Variants in ZSWIM4 observed in about 807,000 individuals in gnomAD.
ZSWIM4 encodes zinc finger SWIM-type containing 4.
Under a neutral mutation model 102.5 loss-of-function variants are expected in ZSWIM4, and 62 were observed. The observed-to-expected ratio is 0.60, with a 90% CI of 0.49 to 0.75. ZSWIM4 has a LOEUF of 0.75. Among genes scored for constraint, ZSWIM4 ranks in the 30% least tolerant of loss-of-function variants. The pLI, the probability that ZSWIM4 is intolerant of heterozygous loss-of-function variation, is 0.00. For missense variants in ZSWIM4, 1,280 were observed against 1,529.6 expected, an observed-to-expected ratio of 0.84 and a Z score of 2.72; for synonymous variants, 652 against 674.5, an observed-to-expected ratio of 0.97 and a Z score of 0.52.
chr19:13,819,430 G>A lies in ZSWIM4; in HGVS notation c.1998G>A (p.Leu666=). 1.2e-6 allele frequency: 2 copies of A among 1,611,214 alleles called. No individual in the cohort carries two copies. Among genetic ancestry groups the A allele is most frequent in the Non-Finnish European group, 1.7e-6 (2 of 1,178,846 alleles). ...CCATGCACACCTGTGCCCGCTACCT[G>A]TTCACCGCACTGCTGCCTCATGACC... ...SVPMHTCARY[L]FTALLPHDPD... Residue 666 remains leucine, a synonymous_variant, in exon 10 of 14, where the codon CTG becomes CTA. Transcript: ENST00000590508.
rs915122907 is a variant in ZSWIM4 at position 13,795,443 on chromosome 19, A to T, written c.-206A>T. ...CTAAAGCGGCGGCTGAAGCAGCTTCATTGTTGTGAAGAGTCTTAAAGGGGC... is the reference window on the plus strand; with the variant it reads ...CTAAAGCGGCGGCTGAAGCAGCTTCTTTGTTGTGAAGAGTCTTAAAGGGGC... On this transcript the variant is annotated 5_prime_UTR_variant, in exon 1 of 14. Coordinates refer to ENST00000590508, the MANE Select transcript of ZSWIM4 (RefSeq NM_001367834.3). 16 of 192,812 alleles carry T rather than the reference A, an allele frequency of 8.3e-5. No individual in the cohort carries two copies. Among genetic ancestry groups the T allele is most frequent in the Non-Finnish European group, 1.7e-4 (16 of 95,852 alleles). 11.9% of individuals were successfully genotyped at this position (192,812 alleles called of 1,614,324 possible).
At chr19:13,815,715 C>T (rs570812504) in intron 7 of ZSWIM4, among the ~76,000 whole-genome samples, 2 of 151,424 alleles carry the variant, frequency 1.3e-5, no homozygotes, top group Non-Finnish European at 2.9e-5. Flanking sequence ...TTTGATCCAC[C>T]CACCTCAGCC....
In ZSWIM4 at chr19:13,825,571, C is replaced by A. The variant is rs62620757; in HGVS notation, c.2237C>A (p.Thr746Lys). 1 of 1,613,902 alleles carries A rather than the reference C, an allele frequency of 6.2e-7. No homozygotes were observed. The highest frequency in any genetic ancestry group is 1.3e-5 in the African/African-American group (1 of 74,926). Residue 746 changes from threonine (T) to lysine (K), a missense_variant, in exon 12 of 14, where the codon ACG (threonine) becomes AAG (lysine). By Grantham distance (78) the Thr-to-Lys change is moderately conservative. Coordinates refer to ENST00000590508, the MANE Select transcript of ZSWIM4 (RefSeq NM_001367834.3). This position sits in a 1 kb window ranked among gnomAD's most constrained non-coding sequence, Gnocchi z 4.6. ...CCAGGAGACCCCAAGTGGCTGCACACGGTACTGGGCTCCATCCAGCAGAAC... is the reference window on the plus strand; with the variant it reads ...CCAGGAGACCCCAAGTGGCTGCACAAGGTACTGGGCTCCATCCAGCAGAAC... ...AAKGDPKWLH[T>K]VLGSIQQNIH...
chr19:13,817,166 A>G (rs2021643447), intron 7 of ZSWIM4, 50 bp from the exon 8 acceptor site: 1 of 1,569,162 alleles, frequency 6.4e-7, no homozygotes, highest in African/African-American at 1.4e-5. Flanking sequence ...CCTCCCTCCT[A>G]GAGACTTGGG....
Position 13,795,796 on chromosome 19 carries a change from G to A in ZSWIM4, c.148G>A (p.Glu50Lys). 1 of 1,251,390 alleles carries A rather than the reference G, an allele frequency of 8.0e-7. No homozygotes were observed. The highest frequency in any genetic ancestry group is 3.6e-5 in the Admixed American group (1 of 27,448). The allele number at this position is 1,251,390 out of a possible 1,614,324, so 77.5% of individuals were successfully genotyped here. The change falls in exon 1 of 14, where the codon GAG (glutamate) becomes AAG (lysine). Residue 50 changes from glutamate (E) to lysine (K), a missense_variant. Transcript: ENST00000590508. Reference sequence around the variant, plus strand: ...GCGGGTAGCCGAGAGCTGGGCCTTCGAGCAGGTGACCGCGGGGGAAGGGGG... The same window carrying A: ...GCGGGTAGCCGAGAGCTGGGCCTTCAAGCAGGTGACCGCGGGGGAAGGGGG... Reference protein sequence around the residue: ...AKRVAESWAFEQVEERFSRVP... With the variant: ...AKRVAESWAFKQVEERFSRVP...
intron 1 of ZSWIM4, among the ~76,000 whole-genome samples, chr19:13,798,358 C>T (rs562032457): frequency 5.9e-5 from 9 of 152,174 alleles, no homozygotes; most frequent in African/African-American, 2.2e-4. Context: ...ATGTTGCTCA[C>T]GCTGGTCTGG....
In ZSWIM4 at chr19:13,825,826, G is replaced by A. The variant is rs3745454; in HGVS notation, c.2379+113G>A. 0.087 allele frequency: 117,985 copies of A among 1,357,786 alleles called. 5,806 individuals carry two copies. Among genetic ancestry groups the A allele is most frequent in the African/African-American group, 0.18 (12,269 of 69,034 alleles). 84.1% of individuals were successfully genotyped at this position (1,357,786 alleles called of 1,614,324 possible). ...GTGTGAGCCACTTCGCTGGGGGCCC[G>A]GCATTTGCGTGAGCTATTCCTCTGT... On this transcript the variant is annotated intron_variant, in intron 12 of 13. Transcript: ENST00000590508. This position sits in a 1 kb window ranked among gnomAD's most constrained non-coding sequence, Gnocchi z 4.6.
rs1256446699 is a variant in ZSWIM4, at chr19:13,817,792, C to G, written c.1740C>G (p.Tyr580Ter). The G allele has an allele frequency of 2.5e-6, 4 of 1,595,698 alleles. No individual in the cohort carries two copies. The highest frequency in any genetic ancestry group is 3.4e-6 in the Non-Finnish European group (4 of 1,172,662). Residue 580 changes from tyrosine to a stop codon, truncating the protein, a stop_gained, in exon 9 of 14, where the codon TAC (tyrosine) becomes TAG (stop). Transcript: ENST00000590508. LOFTEE classifies it high-confidence loss of function. ...TGCCCGGGAGCCCTGGGGAGTCCTA[C>G]TTGGTGCTGGCGCTGGAGGTGGCAC... ...VPVPGSPGES[Y>*]LVLALEVALL...
At chr19:13,798,484 GC>G (rs139179661) in intron 1 of ZSWIM4, among the ~76,000 whole-genome samples, 2,444 of 152,182 alleles carry the variant, frequency 0.016, 71 homozygotes, top group African/African-American at 0.056. Context: ...ACTTCTTCCT[GC>G]TCCACCAAAG....
chr19:13,830,553 G>C lies in ZSWIM4; in HGVS notation c.2824G>C (p.Ala942Pro). 1 of 1,599,522 alleles carries C rather than the reference G, an allele frequency of 6.3e-7. No individual in the cohort carries two copies. Among genetic ancestry groups the C allele is most frequent in the Non-Finnish European group, 8.5e-7 (1 of 1,179,550 alleles). ...GCTGCCGCTCCGGGCCTACAAGCTG[G>C]CGACGCTGGCCCTGGCGCAGCTCAG... The part of the protein sequence containing the change: ...RGLPLRAYKL[A>P]TLALAQLSIA... The change falls in exon 14 of 14, where the codon GCG (alanine) becomes CCG (proline). Residue 942 changes from alanine (A) to proline (P), a missense_variant. Ala to Pro is a conservative substitution (Grantham distance 27, BLOSUM62 -1). Transcript: ENST00000590508.
Position 13,831,403 on chromosome 19 carries a change from A to C in ZSWIM4, c.*353A>C, listed in dbSNP as rs766908004. 2.0e-4 allele frequency: 43 copies of C among 211,774 alleles called. No homozygotes were observed. The highest frequency in any genetic ancestry group is 1.1e-4 in the Non-Finnish European group (12 of 106,814). The allele number at this position is 211,774 out of a possible 1,614,324, so 13.1% of individuals were successfully genotyped here. On this transcript the variant is annotated 3_prime_UTR_variant, in exon 14 of 14. Transcript: ENST00000590508. ...GGCTGGGAGGCAGGACTTTCCAGAAATCGACCCTCTAAGTCAATGTAGCAC... is the reference window on the plus strand; with the variant it reads ...GGCTGGGAGGCAGGACTTTCCAGAACTCGACCCTCTAAGTCAATGTAGCAC...
intron 2 of ZSWIM4, among the ~76,000 whole-genome samples, chr19:13,803,151 C>T (rs1035427221): frequency 2.4e-4 from 36 of 152,310 alleles, no homozygotes; most frequent in South Asian, 1.9e-3. Context: ...TGCTTTGGAG[C>T]CCCTTTGCTG....
chr19:13,795,764 G>T lies in ZSWIM4; in HGVS notation c.116G>T (p.Ser39Ile). Residue 39 changes from serine (S) to isoleucine (I), a missense_variant, in exon 1 of 14, where the codon AGC becomes ATC. Physicochemically the swap from Ser to Ile is moderately radical, Grantham distance 142. Coordinates refer to ENST00000590508, the MANE Select transcript of ZSWIM4 (RefSeq NM_001367834.3). ...RGRPEALLDLSAKRVAESWAF... is the reference protein window; with the variant it reads ...RGRPEALLDLIAKRVAESWAF... ...CGGCCCGAGGCGCTGCTGGACCTCA[G>T]CGCCAAGCGGGTAGCCGAGAGCTGG... 8.0e-7 allele frequency: 1 copy of T among 1,245,624 alleles called. No individual in the cohort carries two copies. Among genetic ancestry groups the T allele is most frequent in the African/African-American group, 1.5e-5 (1 of 65,218 alleles). 77.2% of individuals were successfully genotyped at this position (1,245,624 alleles called of 1,614,324 possible). A position where few individuals can be genotyped will look rare whatever the true frequency, so the allele number is the denominator to read the frequency against.
chr19:13,829,762 T>C (rs1975706552), intron 13 of ZSWIM4, among the ~76,000 whole-genome samples: 1 of 151,962 alleles, frequency 6.6e-6, no homozygotes, highest in African/African-American at 2.4e-5. Context: ...GAGGCGGAGC[T>C]TGCAGTGAGC....
chr19:13,821,129 C>G (rs969626648), intron 10 of ZSWIM4, among the ~76,000 whole-genome samples: 4 of 151,988 alleles, frequency 2.6e-5, no homozygotes, highest in African/African-American at 9.7e-5. Flanking sequence ...ACTAAAAATA[C>G]AAAAATTAGC....
intron 12 of ZSWIM4, among the ~76,000 whole-genome samples, chr19:13,827,467 C>T (rs552877355): frequency 2.0e-5 from 3 of 151,388 alleles, no homozygotes; most frequent in East Asian, 3.9e-4. Context: ...GTGGTGGACG[C>T]GTGTAGTCCC....
intron 3 of ZSWIM4, among the ~76,000 whole-genome samples, chr19:13,808,150 A>T (rs1364674711): frequency 6.6e-6 from 1 of 152,106 alleles, no homozygotes; most frequent in Non-Finnish European, 1.5e-5. Flanking sequence ...ATTAGAAACC[A>T]TCCCCATGAT....
intron 8 of ZSWIM4, 86 bp downstream of exon 8, chr19:13,817,439 C>G: frequency 6.6e-7 from 1 of 1,519,022 alleles, no homozygotes; most frequent in South Asian, 1.2e-5. Flanking sequence ...TATAAGGTAA[C>G]TCCCAGACTC....
rs1974715572 is a variant in ZSWIM4, at chr19:13,799,998, AG to A, written c.355+79del. ...GCCTGGAAATGGGGGAGTTGGAGGGAGGCCTGGGGCCAGGGGATGGGAGGTT... is the reference window on the plus strand; with the variant it reads ...GCCTGGAAATGGGGGAGTTGGAGGGAGCCTGGGGCCAGGGGATGGGAGGTT... On this transcript the variant is annotated intron_variant, in intron 2 of 13. Transcript: ENST00000590508. 5.6e-6 allele frequency: 8 copies of A among 1,427,856 alleles called. No homozygotes were observed. In the Admixed American group the frequency reaches 1.6e-4, roughly 29 times the overall value. The allele number at this position is 1,427,856 out of a possible 1,614,324, so 88.4% of individuals were successfully genotyped here.
Sources: allele counts gnomAD v4.1 joint callset (sites outside exome capture counted in the v4.1 genomes callset), GRCh38; gene constraint gnomAD v4.1.1; non-coding constraint Gnocchi (gnomAD v3.1); transcripts MANE v1.5; gene names NCBI Gene and HGNC (gene_info 2026-07-23, HGNC 2026-07-21).